Variants in CBFA2T2 observed in about 807,000 individuals in gnomAD.
The protein encoded by CBFA2T2 is protein CBFA2T2.
In CBFA2T2, 11 loss-of-function variants were observed where a neutral mutation model predicts 62.2. That is an observed-to-expected ratio of 0.18 (90% CI 0.11 to 0.29). The LOEUF (loss-of-function observed/expected upper bound fraction) is 0.29, where lower values mean the gene tolerates loss of function less well. Among genes scored for constraint, CBFA2T2 ranks in the 10% least tolerant of loss-of-function variants. The pLI is 1.00. For missense variants in CBFA2T2, 592 were observed against 774.1 expected (o/e 0.76, Z 2.79); for synonymous variants, 295 against 287.5 (o/e 1.03, Z -0.27).
At chr20:33,561,791 TATAATCTTTACAGC>T (rs1443388270) in intron 1 of CBFA2T2, among the ~76,000 whole-genome samples, 3 of 152,246 alleles carry the variant, frequency 2.0e-5, no homozygotes, top group Non-Finnish European at 4.4e-5. Context: ...ATCTTCCATT[TATAATCTTTACAGC>T]ATCAGAACCA....
intron 6 of CBFA2T2, among the ~76,000 whole-genome samples, chr20:33,626,573 G>A (rs993001038): frequency 6.6e-6 from 1 of 152,196 alleles, no homozygotes; most frequent in East Asian, 1.9e-4. Flanking sequence ...GGTTTGTCAT[G>A]TACTCTTACA....
chr20:33,579,106 TTTTTTTTTG>T (rs2013982151), intron 1 of CBFA2T2, among the ~76,000 whole-genome samples: 1 of 142,818 alleles, frequency 7.0e-6, no homozygotes, highest in Admixed American at 7.0e-5. Context: ...TTTTTGGGGG[TTTTTTTTTG>T]TTTTTTTTTT....
chr20:33,521,825 T>TGC (rs763290925), intron 1 of CBFA2T2, among the ~76,000 whole-genome samples: 1 of 146,990 alleles, frequency 6.8e-6, no homozygotes, highest in Non-Finnish European at 1.5e-5. Flanking sequence ...TTGAGCTGCG[T>TGC]GTGTGTGTGT....
At chr20:33,569,814 T>G (rs1175920840) in intron 1 of CBFA2T2, among the ~76,000 whole-genome samples, 1 of 152,230 alleles carries the variant, frequency 6.6e-6, no homozygotes, top group Non-Finnish European at 1.5e-5. Context: ...CATAGAGCTT[T>G]TATCATAAGG....
At chr20:33,584,375 C>T (rs1449575076) in intron 1 of CBFA2T2, among the ~76,000 whole-genome samples, 2 of 151,714 alleles carry the variant, frequency 1.3e-5, no homozygotes, top group African/African-American at 4.8e-5. Flanking sequence ...ACACCATTCT[C>T]CTACCTCAGC....
chr20:33,540,032 A>G (rs2012370068), intron 1 of CBFA2T2, among the ~76,000 whole-genome samples: 1 of 152,186 alleles, frequency 6.6e-6, no homozygotes, highest in Non-Finnish European at 1.5e-5. Flanking sequence ...TACATGCTAC[A>G]GTGGAAGTGG....
rs762860768 is a variant in CBFA2T2 at position 33,645,789 on chromosome 20, G to C, written c.*1143G>C. On this transcript the variant is annotated 3_prime_UTR_variant, in exon 11 of 11. Coordinates refer to ENST00000342704, the MANE Select transcript of CBFA2T2 (RefSeq NM_001032999.3). The stretch of plus-strand genomic sequence containing the variant: ...ATCTACTATGTTGATTTATCATCAG[G>C]CACACAACTTCTGTTTCCTTCTCTT... 6.6e-6 allele frequency: 1 copy of C among 152,132 alleles called. No homozygotes were observed. Among genetic ancestry groups the C allele is most frequent in the Non-Finnish European group, 1.5e-5 (1 of 68,026 alleles). The allele number at this position is 152,132 out of a possible 1,614,324, so 9.4% of individuals were successfully genotyped here.
intron 1 of CBFA2T2, among the ~76,000 whole-genome samples, chr20:33,543,244 T>C (rs1297151997): frequency 6.6e-6 from 1 of 150,780 alleles, no homozygotes; most frequent in Non-Finnish European, 1.5e-5. Flanking sequence ...ACTCCTGACC[T>C]TGTGATCTGT....
At chr20:33,628,270 A>G (rs946190301) in intron 6 of CBFA2T2, 80 bp from the exon 7 acceptor site, 1 of 897,026 alleles carries the variant, frequency 1.1e-6, no homozygotes, top group Non-Finnish European at 1.9e-6. Context: ...TATTATGAAT[A>G]TGTGTGTATT....
chr20:33,565,916 G>A (rs1242067793), intron 1 of CBFA2T2, among the ~76,000 whole-genome samples: 1 of 152,108 alleles, frequency 6.6e-6, no homozygotes, highest in African/African-American at 2.4e-5. Context: ...TTGAGTGAAC[G>A]AATGTATTTA....
rs576841192 is a variant in CBFA2T2, at chr20:33,556,068, C to T, written c.35-50888C>T. Among the ~76,000 whole-genome samples the T allele has an allele frequency of 9.8e-5, 15 of 152,294 alleles. No individual in the cohort carries two copies. In the South Asian group the frequency reaches 3.1e-3, roughly 32 times the overall value. The stretch of plus-strand genomic sequence containing the variant: ...TTTTTGTAGAGATGGAGTCTCACTA[C>T]GTTGCTCCGGCTGGTCTCGAACTCC... On this transcript the variant is annotated intron_variant, in intron 1 of 10. Coordinates refer to ENST00000342704, the MANE Select transcript of CBFA2T2 (RefSeq NM_001032999.3).
At chr20:33,625,666 G>A (rs904393139) in intron 6 of CBFA2T2, among the ~76,000 whole-genome samples, 3 of 152,186 alleles carry the variant, frequency 2.0e-5, no homozygotes, top group Non-Finnish European at 2.9e-5. Flanking sequence ...TTTAAAATTA[G>A]GCCAAGCTCA....
chr20:33,495,090 T>G (rs1412045041), intron 1 of CBFA2T2, among the ~76,000 whole-genome samples: 3 of 152,076 alleles, frequency 2.0e-5, no homozygotes, highest in Non-Finnish European at 4.4e-5. Context: ...TGAAATCTAG[T>G]TTATTCGGTA....
At chr20:33,510,213 T>TG (rs1021456440) in intron 1 of CBFA2T2, among the ~76,000 whole-genome samples, 1 of 150,644 alleles carries the variant, frequency 6.6e-6, no homozygotes, top group Non-Finnish European at 1.5e-5. Context: ...CTTTTTTTCT[T>TG]GTTTTTTTTT....
At chr20:33,528,581 C>T (rs1386377554) in intron 1 of CBFA2T2, among the ~76,000 whole-genome samples, 2 of 152,146 alleles carry the variant, frequency 1.3e-5, no homozygotes, top group Non-Finnish European at 2.9e-5. Flanking sequence ...TGTTCCCAGC[C>T]CATGCGTGTG....
At chr20:33,615,611 C>T (rs915438696) in intron 3 of CBFA2T2, among the ~76,000 whole-genome samples, 2 of 152,092 alleles carry the variant, frequency 1.3e-5, no homozygotes, top group African/African-American at 4.8e-5. Flanking sequence ...AAGCCGTGGA[C>T]TTTACCTATA....
At chr20:33,546,137 G>A (rs1257196854) in intron 1 of CBFA2T2, among the ~76,000 whole-genome samples, 1 of 152,086 alleles carries the variant, frequency 6.6e-6, no homozygotes, top group Non-Finnish European at 1.5e-5. Context: ...GTGCTTATTT[G>A]TATATAAACT....
chr20:33,574,082 C>T, intron 1 of CBFA2T2: 1 of 1,486,910 alleles, frequency 6.7e-7, no homozygotes, highest in Non-Finnish European at 9.1e-7. Flanking sequence ...AGCCACCATA[C>T]CAGTTCCTGT....
At chr20:33,627,676 G>A (rs1466529814) in intron 6 of CBFA2T2, among the ~76,000 whole-genome samples, 1 of 152,046 alleles carries the variant, frequency 6.6e-6, no homozygotes, top group Middle Eastern at 3.2e-3. Context: ...CAAATCATGA[G>A]GAACTCAATA....
Sources: gnomAD v4.1 joint callset for allele counts (sites outside exome capture counted in the v4.1 genomes callset) on GRCh38, gnomAD v4.1.1 for gene constraint, MANE v1.5 for transcripts, NCBI Gene and HGNC (gene_info 2026-07-23, HGNC 2026-07-21) for gene names.